The following WASHC4 variants were observed in gnomAD, a reference collection of about 807,000 sequenced individuals.
WASHC4 encodes the protein WASH complex subunit 7.
In WASHC4, 86 loss-of-function variants were observed where a neutral mutation model predicts 166.6. That is an observed-to-expected ratio of 0.52 (90% CI 0.43 to 0.62). The LOEUF (loss-of-function observed/expected upper bound fraction) is 0.62, where lower values mean the gene tolerates loss of function less well. Ranked by LOEUF, WASHC4 falls within the 20% of genes least tolerant of loss-of-function variation. The probability of loss-of-function intolerance (pLI) is 0.00; values close to 1 mark genes in which losing one functional copy is unlikely to be tolerated. For synonymous variants in WASHC4, 446 were observed against 451.6 expected, an observed-to-expected ratio of 0.99 and a Z score of 0.16; for missense variants, 1,262 against 1,382.4, an observed-to-expected ratio of 0.91 and a Z score of 1.38.
chr12:105,119,465 G>A (rs1592850045), intron 7 of WASHC4, among the ~76,000 whole-genome samples: 1 of 152,056 alleles, frequency 6.6e-6, no homozygotes. Flanking sequence ...TGTTCTTTTG[G>A]TCACCAGCAC....
At chr12:105,142,653 T>TA (rs1555237441) in intron 19 of WASHC4, 95 bp downstream of exon 19, 2 of 577,370 alleles carry the variant, frequency 3.5e-6, no homozygotes, top group Non-Finnish European at 5.6e-6. Flanking sequence ...TTTAATAAAC[T>TA]TTTAAAATTG....
chr12:105,118,183 A>G (rs1003156642), intron 6 of WASHC4, among the ~76,000 whole-genome samples: 7 of 152,164 alleles, frequency 4.6e-5, no homozygotes, highest in African/African-American at 1.2e-4. Flanking sequence ...TAGGAGTTAT[A>G]TAAGTAACTA....
Position 105,107,997 on chromosome 12 carries a change from G to A in WASHC4, c.61+136G>A, listed in dbSNP as rs937260137. On this transcript the variant is annotated intron_variant, in intron 1 of 32. Coordinates refer to ENST00000332180, the MANE Select transcript of WASHC4 (RefSeq NM_015275.3). Reference sequence around the variant, plus strand: ...GGACACTTCAGAGCCCTTGGGGTGTGCGAGGGACGCGCTCTCCAGCGTTAC... The same window carrying A: ...GGACACTTCAGAGCCCTTGGGGTGTACGAGGGACGCGCTCTCCAGCGTTAC... 18 of 690,928 alleles carry A rather than the reference G, an allele frequency of 2.6e-5. No individual in the cohort carries two copies. The African/African-American group carries it at 2.9e-4, about 11-fold the overall frequency. The allele number at this position is 690,928 out of a possible 1,614,324, so 42.8% of individuals were successfully genotyped here. A position where few individuals can be genotyped will look rare whatever the true frequency, so the allele number is the denominator to read the frequency against.
At chr12:105,112,140 A>G (rs1879743806) in intron 2 of WASHC4, among the ~76,000 whole-genome samples, 1 of 152,240 alleles carries the variant, frequency 6.6e-6, no homozygotes, top group Non-Finnish European at 1.5e-5. Flanking sequence ...CTTCATATAA[A>G]TGAAATCATA....
intron 1 of WASHC4, 51 bp from the exon 2 acceptor site, chr12:105,111,074 T>A (rs776428689): frequency 2.9e-6 from 4 of 1,362,272 alleles, no homozygotes; most frequent in Non-Finnish European, 4.2e-6. Flanking sequence ...GTAAATGTCC[T>A]GCAATTCATT....
At chr12:105,135,320 T>G in intron 14 of WASHC4, among the ~76,000 whole-genome samples, 1 of 152,008 alleles carries the variant, frequency 6.6e-6, no homozygotes, top group East Asian at 1.9e-4. Context: ...AAGTCTCTGT[T>G]GATGAATTGT....
chr12:105,166,839 T>C, intron 32 of WASHC4, 25 bp from the exon 33 acceptor site: 1 of 1,497,434 alleles, frequency 6.7e-7, no homozygotes, highest in Non-Finnish European at 9.3e-7. Flanking sequence ...TAAATATCCA[T>C]TATTATTTTC....
chr12:105,157,435 G>A (rs1884241639), intron 28 of WASHC4, 113 bp downstream of exon 28: 2 of 646,860 alleles, frequency 3.1e-6, no homozygotes, highest in South Asian at 3.4e-5. Context: ...CAAAATTATG[G>A]CCTCAGTTTA....
At chr12:105,135,895 T>C (rs1333342874) in intron 14 of WASHC4, among the ~76,000 whole-genome samples, 1 of 152,212 alleles carries the variant, frequency 6.6e-6, no homozygotes, top group Non-Finnish European at 1.5e-5. Flanking sequence ...GTACATCTCT[T>C]ACCTTTTATA....
intron 14 of WASHC4, 28 bp from the exon 15 acceptor site, chr12:105,137,858 T>C: frequency 6.3e-7 from 1 of 1,579,184 alleles, no homozygotes; most frequent in Non-Finnish European, 8.7e-7. Context: ...TCTTTCCTTG[T>C]GATTATAATC....
At chr12:105,146,386 C>CA in intron 22 of WASHC4, 66 bp from the exon 23 acceptor site, 1 of 948,232 alleles carries the variant, frequency 1.1e-6, no homozygotes, top group South Asian at 1.3e-5. Flanking sequence ...AGTCATTATG[C>CA]TGATACAAGT....
chr12:105,149,615 G>T lies in WASHC4; in HGVS notation c.2515G>T (p.Val839Phe). 7.0e-7 allele frequency: 1 copy of T among 1,423,796 alleles called. No individual in the cohort carries two copies. Among genetic ancestry groups the T allele is most frequent in the South Asian group, 1.2e-5 (1 of 82,120 alleles). The allele number at this position is 1,423,796 out of a possible 1,614,324, so 88.2% of individuals were successfully genotyped here. A position where few individuals can be genotyped will look rare whatever the true frequency, so the allele number is the denominator to read the frequency against. Reference protein sequence around the residue: ...THGTGIMNTTVNFTYQFLKKK... With the variant: ...THGTGIMNTTFNFTYQFLKKK... The stretch of plus-strand genomic sequence containing the variant: ...AACTTTTTGAATTTTAATTTTATAG[G>T]TTAATTTCACCTACCAGTTTTTGAA... The change falls in exon 25 of 33, where the codon GTT becomes TTT. Residue 839 changes from valine (V) to phenylalanine (F), a missense_variant and splice_region_variant. Physicochemically the swap from Val to Phe is conservative, Grantham distance 50 (BLOSUM62 -1). Transcript: ENST00000332180.
At chr12:105,132,584 G>A (rs1242955631) in intron 13 of WASHC4, among the ~76,000 whole-genome samples, 1 of 152,190 alleles carries the variant, frequency 6.6e-6, no homozygotes, top group Non-Finnish European at 1.5e-5. Flanking sequence ...TTTAGTATTT[G>A]TAATCATCCC....
At position 105,121,089 on chromosome 12, in the gene WASHC4, GT is replaced by G; in HGVS notation, c.562-6del. The G allele has an allele frequency of 6.3e-7, 1 of 1,590,894 alleles. No homozygotes were observed. The highest frequency in any genetic ancestry group is 8.6e-7 in the Non-Finnish European group (1 of 1,159,668). ...AGTGACTAAATGATAATCATTAAAG[GT>G]TTTTTGACAGACTATGTATGAGCAC... On this transcript the variant is annotated splice_polypyrimidine_tract_variant and intron_variant, in intron 8 of 32. Coordinates refer to ENST00000332180, the MANE Select transcript of WASHC4 (RefSeq NM_015275.3).
At chr12:105,166,254 T>C (rs530639244) in intron 32 of WASHC4, among the ~76,000 whole-genome samples, 5 of 152,196 alleles carry the variant, frequency 3.3e-5, no homozygotes, top group Non-Finnish European at 7.3e-5. Flanking sequence ...AATACATTAC[T>C]CAAATAGTCT....
intron 13 of WASHC4, among the ~76,000 whole-genome samples, chr12:105,127,892 A>AC (rs1333698129): frequency 3.9e-5 from 6 of 152,050 alleles, no homozygotes; most frequent in Non-Finnish European, 7.4e-5. Context: ...GTAAATTTTC[A>AC]AATATACGTA....
chr12:105,118,162 CACCTATCA>C (rs1880367558), intron 6 of WASHC4, among the ~76,000 whole-genome samples: 1 of 152,096 alleles, frequency 6.6e-6, no homozygotes, highest in African/African-American at 2.4e-5. Context: ...AATGAGACAG[CACCTATCA>C]TTTAGGAGTT....
rs1884706121 is a variant in WASHC4 at position 105,164,727 on chromosome 12, G to T, written c.3441G>T (p.Lys1147Asn). The stretch of plus-strand genomic sequence containing the variant: ...CTGCGGCTGAAGAAAACCAAGAAAA[G>T]AAAGAGAAGGAAGGTCAGTGAGTGG... ...DKTAAEENQE[K>N]KEKEEETKTS... Residue 1147 changes from lysine (K) to asparagine (N), a missense_variant, in exon 32 of 33, where the codon AAG becomes AAT. Transcript: ENST00000332180. 1 of 1,611,610 alleles carries T rather than the reference G, an allele frequency of 6.2e-7. No individual in the cohort carries two copies. Among genetic ancestry groups the T allele is most frequent in the Non-Finnish European group, 8.5e-7 (1 of 1,178,418 alleles).
intron 7 of WASHC4, 81 bp from the exon 8 acceptor site, chr12:105,120,474 C>T: frequency 1.2e-6 from 1 of 813,740 alleles, no homozygotes; most frequent in Admixed American, 1.9e-5. Context: ...CCAAGATCAT[C>T]TGCTCCTGTA....
Sources: gnomAD v4.1 joint callset for allele counts (sites outside exome capture counted in the v4.1 genomes callset) on GRCh38, gnomAD v4.1.1 for gene constraint, MANE v1.5 for transcripts, NCBI Gene and HGNC (gene_info 2026-07-23, HGNC 2026-07-21) for gene names.